DACH2: variants seen among roughly 807,000 people sequenced by gnomAD.
The protein encoded by DACH2 is dachshund family transcription factor 2.
In DACH2, 17 loss-of-function variants were observed where a neutral mutation model predicts 35.8. The observed-to-expected ratio is 0.48, with a 90% CI of 0.33 to 0.71. The LOEUF is 0.71. DACH2 is among the 30% of genes least tolerant of loss of function. The pLI is 0.02. For missense variants in DACH2, 469 were observed against 472.7 expected (o/e 0.99, Z 0.07); for synonymous variants, 195 against 177.3 (o/e 1.10, Z -0.79).
At chrX:86,160,606 G>A (rs2030718953) in intron 1 of DACH2, 13 of 498,283 alleles carry the variant, frequency 2.6e-5, no homozygotes, top group Middle Eastern at 6.1e-4. Flanking sequence ...CAGTGATGCC[G>A]GCTGCTTTCA....
intron 2 of DACH2, among the ~76,000 whole-genome samples, chrX:86,510,987 G>A (rs1414520113): frequency 8.9e-6 from 1 of 111,938 alleles, no homozygotes; most frequent in African/African-American, 3.2e-5. Context: ...TTTAGTAGAA[G>A]CAGGTGCTAC....
chrX:86,381,623 A>G (rs1218356426), intron 2 of DACH2, among the ~76,000 whole-genome samples: 1 of 110,861 alleles, frequency 9.0e-6, no homozygotes, highest in East Asian at 2.9e-4. Context: ...ATTAGACTAA[A>G]CAATCTCTTA....
At chrX:86,691,189 G>A (rs993106938) in intron 4 of DACH2, among the ~76,000 whole-genome samples, 5 of 111,237 alleles carry the variant, frequency 4.5e-5, no homozygotes, top group African/African-American at 9.8e-5. Context: ...AGCTAGTATG[G>A]TCTGGTTCTG....
chrX:86,765,425 GGTCCA>G (rs1250287809), intron 7 of DACH2, among the ~76,000 whole-genome samples: 1 of 110,759 alleles, frequency 9.0e-6, no homozygotes, highest in Non-Finnish European at 1.9e-5. Flanking sequence ...GAAAAGTAGG[GGTCCA>G]ATTTCATTCT....
chrX:86,305,320 T>G (rs976980137), intron 1 of DACH2, among the ~76,000 whole-genome samples: 3 of 111,748 alleles, frequency 2.7e-5, no homozygotes, highest in African/African-American at 9.8e-5. Context: ...ACATGTGAAA[T>G]TTTCTCCTGA....
intron 3 of DACH2, among the ~76,000 whole-genome samples, chrX:86,570,786 T>C (rs1207504582): frequency 9.0e-6 from 1 of 111,001 alleles, no homozygotes; most frequent in Non-Finnish European, 1.9e-5. Flanking sequence ...ATTTTAAAAA[T>C]TGGGTTGTTG....
At chrX:86,487,695 T>A (rs1602574608) in intron 2 of DACH2, among the ~76,000 whole-genome samples, 1 of 112,155 alleles carries the variant, frequency 8.9e-6, no homozygotes, top group East Asian at 2.8e-4. Context: ...TAATGACAAA[T>A]ACTTTATAAA....
At chrX:86,348,432 T>A (rs1181595874) in intron 1 of DACH2, among the ~76,000 whole-genome samples, 1 of 111,966 alleles carries the variant, frequency 8.9e-6, no homozygotes, top group East Asian at 2.8e-4. Flanking sequence ...CAGGGTATCT[T>A]GGAACTGAAC....
At position 86,695,035 on chromosome X, in the gene DACH2, T is replaced by C. The variant is rs1406588525; in HGVS notation, c.787T>C (p.Ser263Pro). Residue 263 changes from serine to proline, a missense_variant, in exon 5 of 12, where the codon TCC (serine) becomes CCC (proline). Around this residue, in one of 3 missense-constraint regions of DACH2, gnomAD observed 363 missense variants for 334.4 expected, o/e 1.09. Transcript: ENST00000373125. ...ATATTTTTCAGGTGGAAGTGAATCC[T>C]CCTGGGATAAAGATAAGATGCAGTC... ...LNSNTGGSES[S>P]WDKDKMQSPF... The C allele has an allele frequency of 9.4e-7, 1 of 1,068,545 alleles. No individual in the cohort carries two copies. 88.1% of individuals were successfully genotyped at this position (1,068,545 alleles called of 1,213,427 possible).
At chrX:86,344,004 A>C (rs1395488679) in intron 1 of DACH2, among the ~76,000 whole-genome samples, 2 of 110,231 alleles carry the variant, frequency 1.8e-5, no homozygotes, top group Admixed American at 9.7e-5. Context: ...CTTGATACAC[A>C]ACAGGGTAAC....
At chrX:86,618,635 T>G (rs2148375751) in intron 3 of DACH2, among the ~76,000 whole-genome samples, 1 of 112,305 alleles carries the variant, frequency 8.9e-6, no homozygotes, top group Admixed American at 9.5e-5. Flanking sequence ...AATTGTTTAG[T>G]TATCGTAATA....
intron 1 of DACH2, among the ~76,000 whole-genome samples, chrX:86,200,791 G>A (rs1254072494): frequency 9.0e-6 from 1 of 111,166 alleles, no homozygotes; most frequent in Non-Finnish European, 1.9e-5. Flanking sequence ...AAAATAACAT[G>A]CTGGCAAGGT....
chrX:86,650,972 C>A, intron 3 of DACH2, 64 bp from the exon 4 acceptor site: 1 of 1,020,878 alleles, frequency 9.8e-7, no homozygotes, highest in Non-Finnish European at 1.3e-6. Context: ...ACCCCCAAAT[C>A]TAAAATAAAA....
intron 7 of DACH2, among the ~76,000 whole-genome samples, chrX:86,759,560 G>T (rs372005336): frequency 1.9e-4 from 18 of 92,490 alleles, no homozygotes; most frequent in East Asian, 7.2e-4. Context: ...GTTGTTGTTT[G>T]TTTTTTTTTT....
chrX:86,695,330 T>G, intron 5 of DACH2, 151 bp downstream of exon 5: 1 of 387,731 alleles, frequency 2.6e-6, no homozygotes. Flanking sequence ...AGGACTCACT[T>G]TCCCTCTTTA....
chrX:86,316,155 G>A (rs2034901734), intron 1 of DACH2, among the ~76,000 whole-genome samples: 1 of 109,952 alleles, frequency 9.1e-6, no homozygotes, highest in African/African-American at 3.3e-5. Flanking sequence ...TTATCTGGGA[G>A]GGAGAGTTTC....
At chrX:86,755,434 A>T (rs1307010020) in intron 7 of DACH2, among the ~76,000 whole-genome samples, 1 of 109,896 alleles carries the variant, frequency 9.1e-6, no homozygotes, top group Admixed American at 9.7e-5. Context: ...GTAGAGTCCT[A>T]TTTGTCTAGT....
intron 6 of DACH2, among the ~76,000 whole-genome samples, chrX:86,726,213 G>A (rs985996752): frequency 1.8e-5 from 2 of 111,315 alleles, no homozygotes; most frequent in African/African-American, 6.5e-5. Flanking sequence ...TCACAGAAGC[G>A]GTAGCAGGGG....
intron 1 of DACH2, among the ~76,000 whole-genome samples, chrX:86,291,715 G>T (rs983208156): frequency 4.1e-5 from 4 of 97,384 alleles, no homozygotes; most frequent in Admixed American, 1.2e-4. Context: ...CTGTTTATAT[G>T]CTGGATTACA....
Sources: allele counts gnomAD v4.1 joint callset (sites outside exome capture counted in the v4.1 genomes callset), GRCh38; gene constraint gnomAD v4.1.1; regional missense constraint gnomAD v4.1.1; transcripts MANE v1.5; gene names NCBI Gene and HGNC (gene_info 2026-07-23, HGNC 2026-07-21).